The following PRUNE2 variants were observed in gnomAD, a reference collection of about 807,000 sequenced individuals.
The protein encoded by PRUNE2 is protein prune homolog 2.
PRUNE2 carries 164 observed loss-of-function variants against 252.0 expected under a neutral mutation model. The ratio of observed to expected loss-of-function variants is 0.65; its 90% CI spans 0.57 to 0.74. The LOEUF (loss-of-function observed/expected upper bound fraction) is 0.74, where lower values mean the gene tolerates loss of function less well. Ranked by LOEUF, PRUNE2 falls within the 30% of genes least tolerant of loss-of-function variation. The pLI, the probability that PRUNE2 is intolerant of heterozygous loss-of-function variation, is 0.00. For missense variants in PRUNE2, 3,495 were observed against 3,711.0 expected (o/e 0.94, Z 1.51); for synonymous variants, 1,292 against 1,350.2 (o/e 0.96, Z 0.94).
intron 1 of PRUNE2, among the ~76,000 whole-genome samples, chr9:76,885,953 C>A (rs2062066948): frequency 6.6e-6 from 1 of 151,948 alleles, no homozygotes; most frequent in African/African-American, 2.4e-5. Flanking sequence ...GCCAAGGTGG[C>A]CAGATCACGA....
chr9:76,896,561 G>A lies in PRUNE2; in HGVS notation c.36+9367C>T, dbSNP rs960585923. Among the ~76,000 whole-genome samples the A allele has an allele frequency of 7.2e-5, 11 of 152,232 alleles. No individual in the cohort carries two copies. The South Asian group carries it at 1.0e-3, about 14-fold the overall frequency. On this transcript the variant is annotated intron_variant, in intron 1 of 18. Transcript: ENST00000376718. The stretch of plus-strand genomic sequence containing the variant: ...TGCTTCCTTCTTGAATCCTTTCATC[G>A]CTTTCTTTTCTCCTATTTCCCCTCC...
intron 6 of PRUNE2, among the ~76,000 whole-genome samples, chr9:76,773,120 C>G (rs1042246720): frequency 1.3e-5 from 2 of 152,184 alleles, no homozygotes; most frequent in Admixed American, 6.5e-5. Flanking sequence ...CTTTATATTA[C>G]TTTAAGTTCA....
chr9:76,881,324 A>T lies in PRUNE2; in HGVS notation c.36+24604T>A, dbSNP rs546060039. Among the ~76,000 whole-genome samples the T allele has an allele frequency of 2.6e-5, 4 of 152,296 alleles. No individual in the cohort carries two copies. In the South Asian group the frequency reaches 8.3e-4, roughly 32 times the overall value. On this transcript the variant is annotated intron_variant, in intron 1 of 18. Coordinates refer to ENST00000376718, the MANE Select transcript of PRUNE2 (RefSeq NM_015225.3). ...AAGACCAAAACGTTTGAGAAGCACT[A>T]TACTAATAAAATAATAAAAATGCCA...
At chr9:76,639,451 A>C (rs879588532) in intron 12 of PRUNE2, among the ~76,000 whole-genome samples, 1 of 152,214 alleles carries the variant, frequency 6.6e-6, no homozygotes, top group Admixed American at 6.5e-5. Flanking sequence ...AGATCGTGCC[A>C]CTGCCCTCCA....
chr9:76,713,092 T>G (rs2046864924), intron 7 of PRUNE2, among the ~76,000 whole-genome samples: 1 of 152,110 alleles, frequency 6.6e-6, no homozygotes, highest in African/African-American at 2.4e-5. Context: ...TTTTTTTATT[T>G]CCTAGGCCTT....
At chr9:76,662,608 C>T (rs536984672) in intron 9 of PRUNE2, among the ~76,000 whole-genome samples, 17 of 152,292 alleles carry the variant, frequency 1.1e-4, no homozygotes, top group African/African-American at 3.8e-4. Context: ...CACACACATA[C>T]CAGTAGCATT....
chr9:76,731,511 A>G (rs1004472208), intron 6 of PRUNE2, among the ~76,000 whole-genome samples: 1 of 151,794 alleles, frequency 6.6e-6, no homozygotes, highest in Non-Finnish European at 1.5e-5. Flanking sequence ...ATTTTTTTGT[A>G]TAGACAGGGT....
chr9:76,645,583 C>T (rs1017736499), intron 11 of PRUNE2, among the ~76,000 whole-genome samples: 1 of 151,522 alleles, frequency 6.6e-6, no homozygotes, highest in African/African-American at 2.4e-5. Flanking sequence ...TTGATGGGTG[C>T]ATAAGACAAT....
chr9:76,723,461 AG>A (rs1014167812), intron 6 of PRUNE2, among the ~76,000 whole-genome samples: 1 of 152,204 alleles, frequency 6.6e-6, no homozygotes, highest in Non-Finnish European at 1.5e-5. Flanking sequence ...GAATTGCCAG[AG>A]GGGAGTAGAG....
At chr9:76,712,228 G>A (rs577066709) in intron 7 of PRUNE2, among the ~76,000 whole-genome samples, 1 of 152,164 alleles carries the variant, frequency 6.6e-6, no homozygotes, top group African/African-American at 2.4e-5. Flanking sequence ...AATCACCACA[G>A]TAATTCCACA....
At chr9:76,666,294 G>T (rs1004169272) in intron 9 of PRUNE2, among the ~76,000 whole-genome samples, 1 of 152,164 alleles carries the variant, frequency 6.6e-6, no homozygotes, top group Non-Finnish European at 1.5e-5. Flanking sequence ...GGGAAGTTTA[G>T]AGAAGACTCT....
chr9:76,791,108 G>C (rs2055504356), intron 6 of PRUNE2, among the ~76,000 whole-genome samples: 1 of 152,182 alleles, frequency 6.6e-6, no homozygotes, highest in South Asian at 2.1e-4. Context: ...GTTGGTCAAA[G>C]GGCACAAACT....
chr9:76,627,885 G>A, intron 16 of PRUNE2: 1 of 424,656 alleles, frequency 2.4e-6, no homozygotes, highest in Non-Finnish European at 4.7e-6. Flanking sequence ...TATAAATAGA[G>A]CACTGCTATG....
At chr9:76,844,472 C>G (rs922828211) in intron 4 of PRUNE2, among the ~76,000 whole-genome samples, 12 of 152,198 alleles carry the variant, frequency 7.9e-5, no homozygotes, top group Admixed American at 5.2e-4. Flanking sequence ...GCTTTTCCTA[C>G]AGCCTACAGA....
At position 76,753,209 on chromosome 9, in the gene PRUNE2, TTGTGGAAA is replaced by T. The variant is rs572681198; in HGVS notation, c.757-39496_757-39489del. Among the ~76,000 whole-genome samples the T allele has an allele frequency of 4.2e-3, 644 of 152,174 alleles. 2 individuals are homozygous for T. Among genetic ancestry groups the T allele is most frequent in the Non-Finnish European group, 5.1e-3 (347 of 68,006 alleles). ...CATGCCTGGCTAATTTTTGTATTTT[TTGTGGAAA>T]TGGAGTCTCATTATGTTGCCCAGGT... On this transcript the variant is annotated intron_variant, in intron 6 of 18. Coordinates refer to ENST00000376718, the MANE Select transcript of PRUNE2 (RefSeq NM_015225.3).
rs762239143 is a variant in PRUNE2, at chr9:76,637,485, C to T, written c.8896G>A (p.Ala2966Thr). ...CCTGGCATCCTCCTTCTTGGGGTTG[C>T]ACCATTCAAGTACACAATCATATAG... Reference protein sequence around the residue: ...EDYMIVYLNGATPRRRMPGLG... With the variant: ...EDYMIVYLNGTTPRRRMPGLG... Residue 2966 changes from alanine to threonine, a missense_variant, in exon 14 of 19, where the codon GCA (alanine) becomes ACA (threonine). Transcript: ENST00000376718. 9 of 1,613,460 alleles carry T rather than the reference C, an allele frequency of 5.6e-6. No individual in the cohort carries two copies. The South Asian group carries it at 9.9e-5, about 18-fold the overall frequency.
chr9:76,701,177 C>G (rs2045861424), intron 9 of PRUNE2, among the ~76,000 whole-genome samples: 1 of 152,192 alleles, frequency 6.6e-6, no homozygotes, highest in Non-Finnish European at 1.5e-5. Context: ...GCATTTCTAA[C>G]AAGTACTCAG....
chr9:76,706,005 AG>A lies in PRUNE2; in HGVS notation c.6268del (p.Leu2090Ter). On this transcript the variant is annotated frameshift_variant, in exon 8 of 19. Coordinates refer to ENST00000376718, the MANE Select transcript of PRUNE2 (RefSeq NM_015225.3). LOFTEE classifies it high-confidence loss of function. ...LKADGENPDILTHCEHDSNSQ... is the reference protein window; with the variant it reads ...LKADGENPDIXTHCEHDSNSQ... ...ATTGCTGTCATGTTCGCAGTGCGTCAGGATATCAGGATTCTCACCATCTGCT... is the reference window on the plus strand; with the variant it reads ...ATTGCTGTCATGTTCGCAGTGCGTCAGATATCAGGATTCTCACCATCTGCT... 1 of 1,614,042 alleles carries A rather than the reference AG, an allele frequency of 6.2e-7. No homozygotes were observed. Among genetic ancestry groups the A allele is most frequent in the Non-Finnish European group, 8.5e-7 (1 of 1,179,892 alleles).
At chr9:76,786,496 C>T (rs532288406) in intron 6 of PRUNE2, 1 of 152,358 alleles carries the variant, frequency 6.6e-6, no homozygotes, top group South Asian at 2.1e-4. Context: ...ATTATGGATG[C>T]TAGCTTCTGG....
Sources: allele counts gnomAD v4.1 joint callset (sites outside exome capture counted in the v4.1 genomes callset), GRCh38; gene constraint gnomAD v4.1.1; transcripts MANE v1.5; gene names NCBI Gene and HGNC (gene_info 2026-07-23, HGNC 2026-07-21).